The following NEK7 variants were observed in gnomAD, a reference collection of about 807,000 sequenced individuals.
NEK7 encodes serine/threonine-protein kinase Nek7.
NEK7 carries 18 observed loss-of-function variants against 44.6 expected under a neutral mutation model. The ratio of observed to expected loss-of-function variants is 0.40; its 90% CI spans 0.28 to 0.60. The LOEUF (loss-of-function observed/expected upper bound fraction) is 0.60. NEK7 is among the 20% of genes least tolerant of loss of function. NEK7 has a pLI of 0.38. For missense variants in NEK7, 256 were observed against 366.5 expected, an observed-to-expected ratio of 0.70 and a Z score of 2.46; for synonymous variants, 130 against 121.1, an observed-to-expected ratio of 1.07 and a Z score of -0.48.
At chr1:198,215,073 C>T (rs114928641) in intron 1 of NEK7, among the ~76,000 whole-genome samples, 1 of 152,046 alleles carries the variant, frequency 6.6e-6, no homozygotes, top group African/African-American at 2.4e-5. Context: ...TTGTATTGAG[C>T]AAAACTAGTT....
At chr1:198,303,086 A>G (rs1162219624) in intron 9 of NEK7, among the ~76,000 whole-genome samples, 1 of 152,176 alleles carries the variant, frequency 6.6e-6, no homozygotes, top group African/African-American at 2.4e-5. Context: ...TTTGCTTAGA[A>G]TACTCTTCTG....
At chr1:198,209,998 A>G (rs1371777530) in intron 1 of NEK7, among the ~76,000 whole-genome samples, 4 of 152,082 alleles carry the variant, frequency 2.6e-5, no homozygotes, top group African/African-American at 7.2e-5. Flanking sequence ...GGGTTTCACC[A>G]TGTTGCCCAG....
At chr1:198,304,024 C>T (rs1654960000) in intron 9 of NEK7, among the ~76,000 whole-genome samples, 1 of 152,044 alleles carries the variant, frequency 6.6e-6, no homozygotes, top group Non-Finnish European at 1.5e-5. Flanking sequence ...TGAAAGTTGC[C>T]ATGTAAGATT....
chr1:198,266,417 G>T (rs1034793935), intron 5 of NEK7, among the ~76,000 whole-genome samples: 2 of 152,012 alleles, frequency 1.3e-5, no homozygotes, highest in Admixed American at 6.6e-5. Flanking sequence ...CTATGTGCCA[G>T]GTGCATGGTT....
intron 2 of NEK7, among the ~76,000 whole-genome samples, chr1:198,233,300 T>G (rs1462773610): frequency 1.3e-5 from 2 of 152,176 alleles, no homozygotes; most frequent in African/African-American, 4.8e-5. Flanking sequence ...TAAAAAAATC[T>G]TTTAGTAAAA....
intron 1 of NEK7, among the ~76,000 whole-genome samples, chr1:198,185,111 A>T (rs1433933501): frequency 6.6e-6 from 1 of 151,408 alleles, no homozygotes; most frequent in African/African-American, 2.4e-5. Flanking sequence ...AGCATCGAAT[A>T]TAGACACTGG....
chr1:198,198,522 C>T (rs996290178), intron 1 of NEK7, among the ~76,000 whole-genome samples: 1 of 152,302 alleles, frequency 6.6e-6, no homozygotes, highest in Non-Finnish European at 1.5e-5. Flanking sequence ...TGTCGACCCA[C>T]ATGTCGCTAT....
chr1:198,301,366 C>T (rs561791827), intron 9 of NEK7, among the ~76,000 whole-genome samples: 1 of 151,880 alleles, frequency 6.6e-6, no homozygotes, highest in African/African-American at 2.4e-5. Context: ...CTGGCTAACA[C>T]GGTGAAACCC....
intron 3 of NEK7, among the ~76,000 whole-genome samples, chr1:198,256,086 T>C (rs550187623): frequency 1.1e-3 from 175 of 152,328 alleles, no homozygotes; most frequent in African/African-American, 3.9e-3. Flanking sequence ...TAAGGCTATA[T>C]TACTTGTCTC....
chr1:198,314,746 G>C (rs962709816), intron 9 of NEK7, among the ~76,000 whole-genome samples: 1 of 152,220 alleles, frequency 6.6e-6, no homozygotes, highest in Non-Finnish European at 1.5e-5. Flanking sequence ...AGGCTGCTCA[G>C]GGGTCAGGGG....
At chr1:198,252,937 A>G in intron 2 of NEK7, 103 bp from the exon 3 acceptor site, 1 of 954,898 alleles carries the variant, frequency 1.0e-6, no homozygotes, top group Non-Finnish European at 1.6e-6. Flanking sequence ...GATGTCTGCA[A>G]ACTTACCCTA....
intron 1 of NEK7, among the ~76,000 whole-genome samples, chr1:198,183,290 A>G (rs1476502966): frequency 1.1e-4 from 16 of 152,268 alleles, no homozygotes; most frequent in Non-Finnish European, 5.9e-5. Context: ...CCACTAGGCC[A>G]TGAGCTCTTT....
intron 5 of NEK7, among the ~76,000 whole-genome samples, chr1:198,267,321 A>C (rs1261583301): frequency 6.6e-6 from 1 of 152,128 alleles, no homozygotes; most frequent in African/African-American, 2.4e-5. Flanking sequence ...CTTATTTTCC[A>C]GTGGGGAAGT....
Position 198,271,912 on chromosome 1 carries a change from T to C in NEK7, c.373-6049T>C, listed in dbSNP as rs1170097823. On this transcript the variant is annotated intron_variant, in intron 5 of 9. Coordinates refer to ENST00000367385, the MANE Select transcript of NEK7 (RefSeq NM_133494.3). ...AAATTAAAAATTTATATTTTATATATATATATATATATACACACACACACA... is the reference window on the plus strand; with the variant it reads ...AAATTAAAAATTTATATTTTATATACATATATATATATACACACACACACA... Among the ~76,000 whole-genome samples the C allele has an allele frequency of 2.2e-5, 3 of 138,112 alleles. No individual in the cohort carries two copies. In the South Asian group the frequency reaches 6.7e-4, roughly 31 times the overall value. 90.6% of individuals were successfully genotyped at this position (138,112 alleles called of 152,430 possible).
chr1:198,251,189 C>T lies in NEK7; in HGVS notation c.58-1851C>T, dbSNP rs1250858013. On this transcript the variant is annotated intron_variant, in intron 2 of 9. Coordinates refer to ENST00000367385, the MANE Select transcript of NEK7 (RefSeq NM_133494.3). ...TTATATGCTGGATTACATTGATTTG[C>T]GTATACTGAACCAGCCTTGCATCCC... Among the ~76,000 whole-genome samples the T allele has an allele frequency of 2.6e-5, 4 of 151,702 alleles. No homozygotes were observed. The East Asian group carries it at 5.8e-4, about 22-fold the overall frequency.
chr1:198,176,838 C>T (rs1233128881), intron 1 of NEK7, among the ~76,000 whole-genome samples: 5 of 151,888 alleles, frequency 3.3e-5, no homozygotes, highest in African/African-American at 1.2e-4. Flanking sequence ...GATGAAAATG[C>T]CATTCACTAA....
chr1:198,193,059 G>A (rs1028136980), intron 1 of NEK7, among the ~76,000 whole-genome samples: 9 of 150,858 alleles, frequency 6.0e-5, no homozygotes, highest in African/African-American at 2.2e-4. Context: ...AAATAGACTG[G>A]TAGCTAAACT....
chr1:198,321,341 C>T lies in NEK7; in HGVS notation c.*1819C>T, dbSNP rs898466504. The stretch of plus-strand genomic sequence containing the variant: ...ATTTTTTTTCTCACACTCTTAATGA[C>T]TTTTAACATTTATACTGAGCATCCA... On this transcript the variant is annotated 3_prime_UTR_variant, in exon 10 of 10. Transcript: ENST00000367385. 2.0e-5 allele frequency: 3 copies of T among 151,964 alleles called. No individual in the cohort carries two copies. The highest frequency in any genetic ancestry group is 4.8e-5 in the African/African-American group (2 of 41,370). 9.4% of individuals were successfully genotyped at this position (151,964 alleles called of 1,614,324 possible).
chr1:198,159,291 G>GAGAA (rs556145181), intron 1 of NEK7, among the ~76,000 whole-genome samples: 11 of 152,110 alleles, frequency 7.2e-5, no homozygotes, highest in Non-Finnish European at 1.2e-4. Context: ...GGCCAGCCTG[G>GAGAA]AGAAAGAAAG....
Sources: allele counts gnomAD v4.1 joint callset (sites outside exome capture counted in the v4.1 genomes callset), GRCh38; gene constraint gnomAD v4.1.1; transcripts MANE v1.5; gene names NCBI Gene and HGNC (gene_info 2026-07-23, HGNC 2026-07-21).